Variants in TIGIT observed in about 807,000 individuals in gnomAD.
TIGIT encodes T-cell immunoreceptor with Ig and ITIM domains.
Under a neutral mutation model 19.6 loss-of-function variants are expected in TIGIT, and 11 were observed. The ratio of observed to expected loss-of-function variants is 0.56; its 90% CI spans 0.35 to 0.93. The LOEUF (loss-of-function observed/expected upper bound fraction) is 0.93, where lower values mean the gene tolerates loss of function less well. TIGIT is among the 40% of genes least tolerant of loss of function. TIGIT has a pLI of 0.01. For synonymous variants in TIGIT, 130 were observed against 125.5 expected (o/e 1.04, Z -0.24); for missense variants, 295 against 303.9 (o/e 0.97, Z 0.22).
In TIGIT at chr3:114,307,875, T is replaced by G; in HGVS notation, c.499-20T>G. On this transcript the variant is annotated intron_variant, in intron 3 of 3. Coordinates refer to ENST00000383671, the MANE Select transcript of TIGIT (RefSeq NM_173799.4). ...GAATAACATCCCCACATACTCACTT[T>G]GTAGTTTGTTTGTTTTTAGAAGAAA... 1 of 1,601,672 alleles carries G rather than the reference T, an allele frequency of 6.2e-7. No homozygotes were observed. Among genetic ancestry groups the G allele is most frequent in the Non-Finnish European group, 8.6e-7 (1 of 1,168,810 alleles).
chr3:114,298,496 A>ATC (rs1310192928), intron 2 of TIGIT, among the ~76,000 whole-genome samples: 1 of 152,120 alleles, frequency 6.6e-6, no homozygotes, highest in Non-Finnish European at 1.5e-5. Flanking sequence ...CTGATCATAT[A>ATC]TCCTTTCCTG....
At chr3:114,303,595 A>ATG (rs1340701124) in intron 3 of TIGIT, among the ~76,000 whole-genome samples, 8 of 10,676 alleles carry the variant, frequency 7.5e-4, no homozygotes, top group Admixed American at 2.2e-3. Flanking sequence ...ATACATATAT[A>ATG]TGTATATATA....
chr3:114,294,748 G>A (rs1253261179), intron 1 of TIGIT, among the ~76,000 whole-genome samples: 1 of 152,148 alleles, frequency 6.6e-6, no homozygotes, highest in Non-Finnish European at 1.5e-5. Flanking sequence ...GGTTATGCCT[G>A]GGAGAAGCAG....
chr3:114,301,420 A>G (rs372947602), intron 3 of TIGIT, among the ~76,000 whole-genome samples: 28 of 152,202 alleles, frequency 1.8e-4, no homozygotes, highest in African/African-American at 6.3e-4. Context: ...TGAGGAAATG[A>G]ACCCTCTATG....
intron 3 of TIGIT, among the ~76,000 whole-genome samples, chr3:114,303,195 T>C (rs1053594120): frequency 3.9e-5 from 6 of 152,050 alleles, no homozygotes; most frequent in African/African-American, 7.2e-5. Flanking sequence ...TGGTGATTTC[T>C]GAGATTTTGG....
rs966813707 is a variant in TIGIT at position 114,299,602 on chromosome 3, G to A, written c.397G>A (p.Glu133Lys). The A allele has an allele frequency of 3.1e-6, 5 of 1,612,946 alleles. No homozygotes were observed. The highest frequency in any genetic ancestry group is 4.2e-6 in the Non-Finnish European group (5 of 1,179,552). Reference sequence around the variant, plus strand: ...CTGTTTTGTCCTCCCTCTAGTGGCTGAGCACGGTGCCAGGTTCCAGATTCC... The same window carrying A: ...CTGTTTTGTCCTCCCTCTAGTGGCTAAGCACGGTGCCAGGTTCCAGATTCC... ...FLEVLESSVA[E>K]HGARFQIPLL... The change falls in exon 3 of 4, where the codon GAG (glutamate) becomes AAG (lysine). Residue 133 changes from glutamate (E) to lysine (K), a missense_variant. Physicochemically the swap from Glu to Lys is moderately conservative, Grantham distance 56. Coordinates refer to ENST00000383671, the MANE Select transcript of TIGIT (RefSeq NM_173799.4).
rs775210246 is a variant in TIGIT at position 114,299,715 on chromosome 3, G to A, written c.498+12G>A. 32 of 1,583,202 alleles carry A rather than the reference G, an allele frequency of 2.0e-5. No individual in the cohort carries two copies. The Admixed American group carries it at 3.2e-4, about 16-fold the overall frequency. The stretch of plus-strand genomic sequence containing the variant: ...CGTTGACTAGAAAGGTAATGGCTCC[G>A]GCTGCACACCGCAGTCATGGGCACC... On this transcript the variant is annotated intron_variant, in intron 3 of 3. Transcript: ENST00000383671.
chr3:114,303,661 A>G (rs1216654485), intron 3 of TIGIT, among the ~76,000 whole-genome samples: 2 of 149,348 alleles, frequency 1.3e-5, no homozygotes, highest in East Asian at 3.9e-4. Context: ...ACACACAGAC[A>G]CATTACAATT....
chr3:114,304,994 T>C (rs2078521506), intron 3 of TIGIT, among the ~76,000 whole-genome samples: 1 of 152,240 alleles, frequency 6.6e-6, no homozygotes, highest in Non-Finnish European at 1.5e-5. Flanking sequence ...CAGCTGTGGA[T>C]AGACGAGTGT....
At position 114,299,649 on chromosome 3, in the gene TIGIT, G is replaced by A. The variant is rs763870601; in HGVS notation, c.444G>A (p.Ala148=). ...TTCCATTGCTTGGAGCCATGGCCGC[G>A]ACGCTGGTGGTCATCTGCACAGCAG... ...FQIPLLGAMA[A]TLVVICTAVI... Residue 148 remains alanine, a synonymous_variant, in exon 3 of 4, where the codon GCG becomes GCA. Transcript: ENST00000383671. 8.1e-5 allele frequency: 131 copies of A among 1,613,246 alleles called. No individual in the cohort carries two copies. Among genetic ancestry groups the A allele is most frequent in the Admixed American group, 7.8e-4 (47 of 60,004 alleles).
Position 114,305,425 on chromosome 3 carries a change from G to C in TIGIT, c.499-2470G>C, listed in dbSNP as rs140878606. On this transcript the variant is annotated intron_variant, in intron 3 of 3. Transcript: ENST00000383671. ...CAAATTTTGGTGAGAGTGACTTATT[G>C]GGACAGCTCTCAGATGAAAAGTAGT... Among the ~76,000 whole-genome samples, 812 of 152,278 alleles carry C rather than the reference G, an allele frequency of 5.3e-3. 4 individuals carry two copies. The highest frequency in any genetic ancestry group is 0.018 in the African/African-American group (750 of 41,554).
Position 114,308,156 on chromosome 3 carries a change from T to A in TIGIT, c.*25T>A. 1 of 1,596,476 alleles carries A rather than the reference T, an allele frequency of 6.3e-7. No homozygotes were observed. ...GCAACCAGAGGCATCTTCTGGAAGATACACTTTTGTCTTTGCTATTATAGA... is the reference window on the plus strand; with the variant it reads ...GCAACCAGAGGCATCTTCTGGAAGAAACACTTTTGTCTTTGCTATTATAGA... On this transcript the variant is annotated 3_prime_UTR_variant, in exon 4 of 4. Transcript: ENST00000383671.
intron 3 of TIGIT, among the ~76,000 whole-genome samples, chr3:114,303,516 TACACATATATATGTATATATATAC>T (rs1560033452): frequency 0.53 from 31,157 of 58,840 alleles, 5,794 homozygotes; most frequent in Middle Eastern, 0.66. Context: ...TATATATATA[TACACATATATATGTATATATATAC>T]ACATATATAT....
chr3:114,295,664 C>A lies in TIGIT; in HGVS notation c.181C>A (p.Gln61Lys). The A allele has an allele frequency of 2.5e-6, 4 of 1,614,216 alleles. No individual in the cohort carries two copies. The highest frequency in any genetic ancestry group is 3.4e-6 in the Non-Finnish European group (4 of 1,180,044). ...ACAAGTGACCCAGGTCAACTGGGAG[C>A]AGCAGGACCAGCTTCTGGCCATTTG... is the stretch of plus-strand genomic sequence containing the variant. ...TAQVTQVNWE[Q>K]QDQLLAICNA... The change falls in exon 2 of 4, where the codon CAG becomes AAG. Residue 61 changes from glutamine (Q) to lysine (K), a missense_variant. Gln to Lys is a moderately conservative substitution (Grantham distance 53). Transcript: ENST00000383671.
At chr3:114,302,625 C>T (rs956283692) in intron 3 of TIGIT, among the ~76,000 whole-genome samples, 1 of 152,216 alleles carries the variant, frequency 6.6e-6, no homozygotes, top group African/African-American at 2.4e-5. Flanking sequence ...GGGATCTCCT[C>T]ATCCTCATTG....
chr3:114,297,024 G>C (rs184872437), intron 2 of TIGIT, among the ~76,000 whole-genome samples: 1 of 151,502 alleles, frequency 6.6e-6, no homozygotes, highest in East Asian at 1.9e-4. Flanking sequence ...AGCCTCCTGA[G>C]TATCTGGGAT....
chr3:114,307,297 GC>G (rs1344850517), intron 3 of TIGIT, among the ~76,000 whole-genome samples: 1 of 152,196 alleles, frequency 6.6e-6, no homozygotes, highest in Non-Finnish European at 1.5e-5. Context: ...CAGGGCAGAA[GC>G]CTGGGCTAGT....
At chr3:114,302,530 C>T (rs1052448900) in intron 3 of TIGIT, among the ~76,000 whole-genome samples, 5 of 152,228 alleles carry the variant, frequency 3.3e-5, no homozygotes, top group African/African-American at 1.2e-4. Context: ...TTAATATTCC[C>T]ATGGATCAGG....
intron 3 of TIGIT, among the ~76,000 whole-genome samples, chr3:114,305,909 A>ATGG (rs2078532079): frequency 6.1e-5 from 8 of 131,418 alleles, no homozygotes; most frequent in African/African-American, 2.1e-4. Context: ...TAGATAGATG[A>ATGG]GGAGGGATTT....
Sources: gnomAD v4.1 joint callset for allele counts (sites outside exome capture counted in the v4.1 genomes callset) on GRCh38, gnomAD v4.1.1 for gene constraint, MANE v1.5 for transcripts, NCBI Gene and HGNC (gene_info 2026-07-23, HGNC 2026-07-21) for gene names.